The following PATJ variants were observed in gnomAD, a reference collection of about 807,000 sequenced individuals.
PATJ encodes the protein inaD-like protein.
In PATJ, 190 loss-of-function variants were observed where a neutral mutation model predicts 224.9. That is an observed-to-expected ratio of 0.84 (90% CI 0.75 to 0.95). PATJ has a LOEUF of 0.95. Ranked by LOEUF, PATJ falls within the 40% of genes least tolerant of loss-of-function variation. The probability of loss-of-function intolerance (pLI) is 0.00; values close to 1 mark genes in which losing one functional copy is unlikely to be tolerated. For missense variants in PATJ, 2,121 were observed against 2,270.3 expected (o/e 0.93, Z 1.34); for synonymous variants, 769 against 820.3 (o/e 0.94, Z 1.07).
rs983327338 is a variant in PATJ, at chr1:62,041,972, G to A, written c.4032+3923G>A. 2.6e-5 allele frequency among the ~76,000 whole-genome samples: 4 copies of A among 151,630 alleles called. No homozygotes were observed. In the East Asian group the frequency reaches 7.8e-4, roughly 29 times the overall value. ...ACCGCACTCCAGCCTGGGCGACAGA[G>A]AAAGACTCCATCTCAAAAATAAATA... On this transcript the variant is annotated intron_variant, in intron 30 of 43. Transcript: ENST00000642238.
chr1:61,756,419 C>T (rs1645640935), intron 1 of PATJ, among the ~76,000 whole-genome samples: 1 of 152,088 alleles, frequency 6.6e-6, no homozygotes, highest in African/African-American at 2.4e-5. Context: ...TTTCAGGGCC[C>T]ACCTCAGACC....
At chr1:61,879,568 AG>A (rs1320491526) in intron 21 of PATJ, among the ~76,000 whole-genome samples, 1 of 151,734 alleles carries the variant, frequency 6.6e-6, no homozygotes, top group East Asian at 1.9e-4. Flanking sequence ...TATGGTGAGA[AG>A]AAAAAATAAG....
At chr1:62,096,390 A>G (rs1024970429) in intron 33 of PATJ, among the ~76,000 whole-genome samples, 9 of 152,176 alleles carry the variant, frequency 5.9e-5, no homozygotes, top group Non-Finnish European at 1.2e-4. Context: ...GTACTTGACC[A>G]AGAAAAATCA....
chr1:61,893,169 C>G (rs1204590861), intron 22 of PATJ, among the ~76,000 whole-genome samples: 1 of 152,172 alleles, frequency 6.6e-6, no homozygotes, highest in Non-Finnish European at 1.5e-5. Flanking sequence ...ACTACTCACA[C>G]TATCTAGATA....
Position 61,764,399 on chromosome 1 carries a change from G to A in PATJ, c.189+1220G>A, listed in dbSNP as rs1216018117. Among the ~76,000 whole-genome samples the A allele has an allele frequency of 1.3e-4, 18 of 139,028 alleles. No homozygotes were observed. The Admixed American group carries it at 1.4e-3, about 11-fold the overall frequency. 91.2% of individuals were successfully genotyped at this position (139,028 alleles called of 152,430 possible). A position where few individuals can be genotyped will look rare whatever the true frequency, so the allele number is the denominator to read the frequency against. On this transcript the variant is annotated intron_variant, in intron 3 of 43. Transcript: ENST00000642238. ...ACACATATCACCTCTTCTTAGAGGG[G>A]TGCAAATTAGCAGTTGTGGGATTTT...
At chr1:61,760,685 C>G (rs1287978997) in intron 1 of PATJ, among the ~76,000 whole-genome samples, 1 of 136,686 alleles carries the variant, frequency 7.3e-6, no homozygotes, top group African/African-American at 2.8e-5. Flanking sequence ...GGCATGAGCT[C>G]AGCTCACTGC....
chr1:61,974,056 T>C (rs1391293016), intron 27 of PATJ, among the ~76,000 whole-genome samples: 1 of 151,796 alleles, frequency 6.6e-6, no homozygotes, highest in African/African-American at 2.4e-5. Context: ...TTTGTAGATA[T>C]GACATGGATC....
Position 62,139,325 on chromosome 1 carries a change from G to T in PATJ, c.5272-8959G>T, listed in dbSNP as rs190832458. On this transcript the variant is annotated intron_variant, in intron 41 of 43. Coordinates refer to ENST00000642238, the MANE Select transcript of PATJ (RefSeq NM_001350145.3). ...CTGAGGCAGAGAATTGCCTGAATCCGGGAGGCAGAGATTGCAGTGAGCCGA... is the reference window on the plus strand; with the variant it reads ...CTGAGGCAGAGAATTGCCTGAATCCTGGAGGCAGAGATTGCAGTGAGCCGA... Among the ~76,000 whole-genome samples the T allele has an allele frequency of 1.9e-3, 283 of 147,310 alleles. 2 individuals carry two copies. Among genetic ancestry groups the T allele is most frequent in the African/African-American group, 6.7e-3 (263 of 39,352 alleles).
intron 27 of PATJ, among the ~76,000 whole-genome samples, chr1:61,966,758 G>A (rs1463640547): frequency 2.6e-5 from 4 of 151,712 alleles, no homozygotes; most frequent in African/African-American, 4.8e-5. Flanking sequence ...TAGAGCAGCT[G>A]GTTGCCCATT....
At chr1:62,080,339 T>C (rs923154019) in intron 32 of PATJ, among the ~76,000 whole-genome samples, 3 of 152,026 alleles carry the variant, frequency 2.0e-5, no homozygotes, top group Admixed American at 6.6e-5. Flanking sequence ...TGCTTTTTTT[T>C]CTTTTTTTTT....
intron 20 of PATJ, among the ~76,000 whole-genome samples, chr1:61,870,555 A>G (rs1417610630): frequency 1.3e-5 from 2 of 152,138 alleles, no homozygotes; most frequent in Admixed American, 6.5e-5. Context: ...GCCTCCTGTC[A>G]CTACCAATAC....
At chr1:61,953,712 C>T (rs1438435599) in intron 27 of PATJ, among the ~76,000 whole-genome samples, 1 of 152,166 alleles carries the variant, frequency 6.6e-6, no homozygotes, top group South Asian at 2.1e-4. Flanking sequence ...ATTTGTGGAT[C>T]CTGCCTGCTT....
chr1:62,147,366 T>C (rs1006091976), intron 41 of PATJ, among the ~76,000 whole-genome samples: 16 of 151,814 alleles, frequency 1.1e-4, no homozygotes, highest in Admixed American at 7.9e-4. Flanking sequence ...ATGAAGAAAA[T>C]AGTTGAAGGC....
At chr1:61,841,201 GT>G (rs1553176356) in intron 17 of PATJ, among the ~76,000 whole-genome samples, 1 of 151,664 alleles carries the variant, frequency 6.6e-6, no homozygotes, top group Non-Finnish European at 1.5e-5. Context: ...TTTTAATCTT[GT>G]TTTACTTTTG....
chr1:61,948,305 A>G (rs918530536), intron 27 of PATJ, among the ~76,000 whole-genome samples: 1 of 152,232 alleles, frequency 6.6e-6, no homozygotes, highest in Non-Finnish European at 1.5e-5. Context: ...AATTTTTACA[A>G]TCTATCCATC....
chr1:61,940,724 A>AC (rs967316747), intron 27 of PATJ, among the ~76,000 whole-genome samples: 2 of 151,268 alleles, frequency 1.3e-5, no homozygotes, highest in African/African-American at 4.8e-5. Flanking sequence ...CAAAAAACAA[A>AC]AAAAAAAAAA....
At chr1:61,842,700 G>T (rs1661295166) in intron 17 of PATJ, among the ~76,000 whole-genome samples, 1 of 151,358 alleles carries the variant, frequency 6.6e-6, no homozygotes. Flanking sequence ...TATCCAGGAA[G>T]TGAGTGGGTA....
chr1:61,854,537 ATGCAGAGCAAGC>A (rs148311496), intron 17 of PATJ, among the ~76,000 whole-genome samples: 1 of 152,286 alleles, frequency 6.6e-6, no homozygotes, highest in Non-Finnish European at 1.5e-5. Context: ...ACCATTAATG[ATGCAGAGCAAGC>A]TGCAGAGTGA....
At chr1:61,903,803 C>G (rs1671516483) in intron 24 of PATJ, among the ~76,000 whole-genome samples, 1 of 140,112 alleles carries the variant, frequency 7.1e-6, no homozygotes, top group Admixed American at 7.3e-5. Context: ...GATGGAGTCT[C>G]TCTCTGTCAC....
Sources: gnomAD v4.1 joint callset for allele counts (sites outside exome capture counted in the v4.1 genomes callset) on GRCh38, gnomAD v4.1.1 for gene constraint, MANE v1.5 for transcripts, NCBI Gene and HGNC (gene_info 2026-07-23, HGNC 2026-07-21) for gene names.